The following ERBB4 variants were observed in gnomAD, a reference collection of about 807,000 sequenced individuals.
ERBB4 encodes the protein erb-b2 receptor tyrosine kinase 4.
ERBB4 carries 42 observed loss-of-function variants against 158.0 expected under a neutral mutation model. That is an observed-to-expected ratio of 0.27 (90% CI 0.21 to 0.34). The LOEUF (loss-of-function observed/expected upper bound fraction) is 0.34. Among genes scored for constraint, ERBB4 ranks in the 10% least tolerant of loss-of-function variants. ERBB4 has a pLI of 1.00. For missense variants in ERBB4, 1,333 were observed against 1,624.1 expected (o/e 0.82, Z 3.08); for synonymous variants, 583 against 558.7 (o/e 1.04, Z -0.61).
intron 17 of ERBB4, among the ~76,000 whole-genome samples, chr2:211,628,267 A>G (rs1236198017): frequency 6.6e-6 from 1 of 152,112 alleles, no homozygotes; most frequent in Non-Finnish European, 1.5e-5. Flanking sequence ...TGCTGCACCC[A>G]TTAACTCATC....
chr2:211,827,641 G>T (rs1298439226), intron 3 of ERBB4, among the ~76,000 whole-genome samples: 1 of 149,210 alleles, frequency 6.7e-6, no homozygotes, highest in Non-Finnish European at 1.5e-5. Context: ...ATTAAATTTT[G>T]CTATCTGCTG....
chr2:212,194,279 TTAAA>T (rs2082357578), intron 1 of ERBB4, among the ~76,000 whole-genome samples: 2 of 112,926 alleles, frequency 1.8e-5, no homozygotes, highest in African/African-American at 6.7e-5. Context: ...TATATATAGT[TTAAA>T]TAGTTTATAC....
intron 16 of ERBB4, among the ~76,000 whole-genome samples, chr2:211,635,573 A>G (rs1248261462): frequency 6.6e-6 from 1 of 152,106 alleles, no homozygotes; most frequent in Admixed American, 6.5e-5. Flanking sequence ...ATTTTCTCCC[A>G]TTGATCAGTT....
chr2:212,501,925 A>C (rs1690914364), intron 1 of ERBB4, among the ~76,000 whole-genome samples: 1 of 152,154 alleles, frequency 6.6e-6, no homozygotes, highest in Non-Finnish European at 1.5e-5. Context: ...TCTGAAAGTT[A>C]AACAGAAATC....
intron 1 of ERBB4, among the ~76,000 whole-genome samples, chr2:212,317,925 T>A (rs1276656244): frequency 6.6e-6 from 1 of 151,594 alleles, no homozygotes; most frequent in Non-Finnish European, 1.5e-5. Flanking sequence ...TCAAAACTTA[T>A]CTTTTCAAAA....
At chr2:211,943,224 A>G (rs1559151968) in intron 3 of ERBB4, among the ~76,000 whole-genome samples, 2 of 152,138 alleles carry the variant, frequency 1.3e-5, no homozygotes, top group Non-Finnish European at 2.9e-5. Context: ...TATGGCCCAT[A>G]TAATTCCTTT....
chr2:212,456,035 T>A (rs538650045), intron 1 of ERBB4, among the ~76,000 whole-genome samples: 1 of 152,030 alleles, frequency 6.6e-6, no homozygotes, highest in South Asian at 2.1e-4. Flanking sequence ...TGAAGGAGAA[T>A]TGAAAACAAA....
In ERBB4 at chr2:211,630,456, C is replaced by A. The variant is rs375049485; in HGVS notation, c.2079+6G>T. Reference sequence around the variant, plus strand: ...AACACATGAAGAGGAGAAAGAAATACCTCACCTCTGTTTCCAAGAATCTTC... The same window carrying A: ...AACACATGAAGAGGAGAAAGAAATAACTCACCTCTGTTTCCAAGAATCTTC... On this transcript the variant is annotated splice_donor_region_variant and intron_variant, in intron 17 of 27. Transcript: ENST00000342788. The A allele has an allele frequency of 6.2e-7, 1 of 1,612,974 alleles. No homozygotes were observed. Among genetic ancestry groups the A allele is most frequent in the Non-Finnish European group, 8.5e-7 (1 of 1,179,102 alleles).
intron 3 of ERBB4, among the ~76,000 whole-genome samples, chr2:211,829,692 A>G (rs1422553310): frequency 2.6e-5 from 4 of 152,160 alleles, no homozygotes; most frequent in African/African-American, 4.8e-5. Flanking sequence ...ACTCTAGACA[A>G]ACTGAACACC....
rs139931754 is a variant in ERBB4, at chr2:211,452,854, T to C, written c.2488-21754A>G. 2.4e-3 allele frequency among the ~76,000 whole-genome samples: 362 copies of C among 152,328 alleles called. 1 individual carries two copies. The highest frequency in any genetic ancestry group is 3.4e-3 in the Middle Eastern group (1 of 294). ...ATTCTAATAATAGTTTATTATTGAA[T>C]ATCAAACAATTGAAATCAACATAAA... On this transcript the variant is annotated intron_variant, in intron 20 of 27. Transcript: ENST00000342788.
At chr2:212,305,356 T>C (rs536881705) in intron 1 of ERBB4, among the ~76,000 whole-genome samples, 1 of 151,550 alleles carries the variant, frequency 6.6e-6, no homozygotes, top group South Asian at 2.1e-4. Context: ...TCTTGGTTAA[T>C]ATATTAATGA....
intron 3 of ERBB4, among the ~76,000 whole-genome samples, chr2:211,899,231 T>C (rs914882418): frequency 1.3e-5 from 2 of 152,126 alleles, no homozygotes; most frequent in Non-Finnish European, 2.9e-5. Flanking sequence ...AGGAATTAAT[T>C]CCTTCACATT....
intron 1 of ERBB4, among the ~76,000 whole-genome samples, chr2:212,461,271 C>A (rs533108525): frequency 4.3e-4 from 65 of 152,268 alleles, no homozygotes; most frequent in Non-Finnish European, 8.1e-4. Context: ...TCAAAGCCAG[C>A]CTGTGAAAGC....
chr2:212,149,188 A>G (rs1488127333), intron 1 of ERBB4, among the ~76,000 whole-genome samples: 2 of 152,176 alleles, frequency 1.3e-5, no homozygotes, highest in Admixed American at 6.5e-5. Context: ...ATTTTAAAAA[A>G]TTTGATTTTC....
intron 2 of ERBB4, among the ~76,000 whole-genome samples, chr2:212,043,069 A>T (rs936414212): frequency 5.3e-5 from 8 of 152,174 alleles, no homozygotes; most frequent in African/African-American, 1.9e-4. Flanking sequence ...GAAGAGCCAG[A>T]TGGGCCCTGC....
intron 1 of ERBB4, among the ~76,000 whole-genome samples, chr2:212,160,102 C>G (rs1460122124): frequency 6.6e-6 from 1 of 151,940 alleles, no homozygotes; most frequent in African/African-American, 2.4e-5. Context: ...GGCTAAACCC[C>G]TATTCTTGAT....
At chr2:212,473,607 G>A (rs928441040) in intron 1 of ERBB4, among the ~76,000 whole-genome samples, 1 of 151,968 alleles carries the variant, frequency 6.6e-6, no homozygotes, top group African/African-American at 2.4e-5. Flanking sequence ...TAACCATAGA[G>A]TATACTTTAA....
chr2:212,015,211 A>T (rs1248090725), intron 2 of ERBB4, among the ~76,000 whole-genome samples: 1 of 148,172 alleles, frequency 6.7e-6, no homozygotes, highest in Non-Finnish European at 1.5e-5. Flanking sequence ...GCTTGCAGTG[A>T]GCCAAGATCG....
intron 1 of ERBB4, among the ~76,000 whole-genome samples, chr2:212,336,126 A>G (rs1009127326): frequency 6.6e-6 from 1 of 152,024 alleles, no homozygotes; most frequent in Non-Finnish European, 1.5e-5. Context: ...AGGAAAAAAA[A>G]TTAAATTAGC....
Sources: gnomAD v4.1 joint callset for allele counts (sites outside exome capture counted in the v4.1 genomes callset) on GRCh38, gnomAD v4.1.1 for gene constraint, MANE v1.5 for transcripts, NCBI Gene and HGNC (gene_info 2026-07-23, HGNC 2026-07-21) for gene names.